ALLC: variants seen among roughly 807,000 people sequenced by gnomAD.
The protein encoded by ALLC is probable inactive allantoicase.
ALLC carries 40 observed loss-of-function variants against 45.0 expected under a neutral mutation model. The observed-to-expected ratio is 0.89, with a 90% CI of 0.69 to 1.16. The LOEUF is 1.16. ALLC is among the 50% of genes most tolerant of loss of function. ALLC has a pLI of 0.00. For synonymous variants in ALLC, 176 were observed against 178.1 expected (o/e 0.99, Z 0.09); for missense variants, 488 against 493.1 (o/e 0.99, Z 0.10).
At chr2:3,658,748 G>A (rs1558532061) in intron 1 of ALLC, among the ~76,000 whole-genome samples, 1 of 151,850 alleles carries the variant, frequency 6.6e-6, no homozygotes, top group East Asian at 1.9e-4. Flanking sequence ...CGTGCCTGTG[G>A]TCCCAGCTAC....
At chr2:3,651,317 G>GTGGTGGTGGTGGTGGTGGTGGTGGT in the ALLC span, among the ~76,000 whole-genome samples, 1 of 23,350 alleles carries the variant, frequency 4.3e-5, no homozygotes, top group African/African-American at 3.4e-4. Flanking sequence ...GGTGGGTGGG[G>GTGGTGGTGGTGGTGGTGGTGGTGGT]GGGGTGTGTG....
At chr2:3,664,834 T>C (rs571554804) in intron 1 of ALLC, among the ~76,000 whole-genome samples, 2 of 151,438 alleles carry the variant, frequency 1.3e-5, no homozygotes, top group African/African-American at 4.9e-5. Context: ...CAGTGAGCTA[T>C]GATCGTGCCA....
chr2:3,672,149 G>GGGAGGTCCTCTGGCTCTGGTTAGATT (rs1666895199), intron 2 of ALLC, among the ~76,000 whole-genome samples: 1 of 112,902 alleles, frequency 8.9e-6, no homozygotes, highest in Non-Finnish European at 1.9e-5. Context: ...CTGGTTAGAT[G>GGGAGGTCCTCTGGCTCTGGTTAGATT]GGAGGTCCTC....
At chr2:3,663,099 A>T (rs1432962736) in intron 1 of ALLC, among the ~76,000 whole-genome samples, 1 of 152,232 alleles carries the variant, frequency 6.6e-6, no homozygotes, top group Non-Finnish European at 1.5e-5. Flanking sequence ...AATGTAAATC[A>T]TTCTGTTACA....
chr2:3,701,364 C>A, intron 10 of ALLC, 148 bp from the exon 11 acceptor site: 1 of 925,978 alleles, frequency 1.1e-6, no homozygotes, highest in South Asian at 2.5e-5. Context: ...TTCCTTCCCT[C>A]ACATACTTCA....
chr2:3,650,465 G>A, the ALLC span, among the ~76,000 whole-genome samples: 1 of 152,184 alleles, frequency 6.6e-6, no homozygotes, highest in Non-Finnish European at 1.5e-5. Context: ...AGCGCACCAC[G>A]GTGACTGTCA....
chr2:3,649,762 A>G, the ALLC span, among the ~76,000 whole-genome samples: 2 of 152,364 alleles, frequency 1.3e-5, no homozygotes, highest in South Asian at 2.1e-4. Flanking sequence ...GGGACCGGGC[A>G]GACACACCAG....
upstream of ALLC, among the ~76,000 whole-genome samples, chr2:3,654,460 G>A (rs1032766735): frequency 7.9e-5 from 12 of 152,378 alleles, no homozygotes; most frequent in East Asian, 1.9e-3. Context: ...CAACGTATGA[G>A]TGCCAGGAGG....
chr2:3,676,878 C>G (rs1293031540), intron 3 of ALLC, among the ~76,000 whole-genome samples: 2 of 151,984 alleles, frequency 1.3e-5, no homozygotes, highest in Non-Finnish European at 2.9e-5. Flanking sequence ...ACCTCCACCT[C>G]CTGGGTTCAA....
At chr2:3,652,650 C>T in the ALLC span, among the ~76,000 whole-genome samples, 3 of 129,350 alleles carry the variant, frequency 2.3e-5, no homozygotes, top group South Asian at 2.5e-4. Context: ...AATGCAGTGG[C>T]GTGATCTCGG....
At chr2:3,677,840 A>G (rs1459508085) in intron 3 of ALLC, among the ~76,000 whole-genome samples, 1 of 152,232 alleles carries the variant, frequency 6.6e-6, no homozygotes, top group Admixed American at 6.5e-5. Context: ...ATGCTGGGCC[A>G]GCATAACGAT....
At chr2:3,672,410 T>G (rs1246642545) in intron 2 of ALLC, among the ~76,000 whole-genome samples, 5 of 105,322 alleles carry the variant, frequency 4.7e-5, no homozygotes, top group East Asian at 2.7e-4. Context: ...TAGTTAGACC[T>G]GTGGTCCTCT....
intron 2 of ALLC, among the ~76,000 whole-genome samples, chr2:3,673,187 T>G (rs528618189): frequency 5.9e-5 from 9 of 152,332 alleles, no homozygotes; most frequent in African/African-American, 2.2e-4. Context: ...GGAGCCCACA[T>G]GCTCCAGGTG....
At chr2:3,682,583 G>A (rs572881182) in intron 6 of ALLC, among the ~76,000 whole-genome samples, 36 of 151,996 alleles carry the variant, frequency 2.4e-4, no homozygotes, top group African/African-American at 8.7e-4. Flanking sequence ...TGGAGTGCAG[G>A]GGCGCGATCT....
At chr2:3,652,494 A>G in the ALLC span, among the ~76,000 whole-genome samples, 1 of 152,166 alleles carries the variant, frequency 6.6e-6, no homozygotes, top group East Asian at 1.9e-4. Flanking sequence ...GGTGGGAAGA[A>G]AATGTGTTTC....
chr2:3,646,810 T>C, the ALLC span, among the ~76,000 whole-genome samples: 1 of 152,210 alleles, frequency 6.6e-6, no homozygotes, highest in Non-Finnish European at 1.5e-5. Context: ...TGAATATTTC[T>C]CCGTTTCTGA....
upstream of ALLC, among the ~76,000 whole-genome samples, chr2:3,655,707 G>GTCTCAGCC (rs1273602335): frequency 6.6e-6 from 1 of 152,190 alleles, no homozygotes; most frequent in Non-Finnish European, 1.5e-5. Flanking sequence ...GGATCCTCCC[G>GTCTCAGCC]TCTCAGCCTC....
At position 3,682,583 on chromosome 2, in the gene ALLC, G is replaced by T. The variant is rs572881182; in HGVS notation, c.379-359G>T. Among the ~76,000 whole-genome samples the T allele has an allele frequency of 1.8e-3, 271 of 152,112 alleles. 3 individuals are homozygous for T. In the South Asian group the frequency reaches 0.025, roughly 14 times the overall value. On this transcript the variant is annotated intron_variant, in intron 6 of 11. Coordinates refer to ENST00000252505, the MANE Select transcript of ALLC (RefSeq NM_018436.4). The stretch of plus-strand genomic sequence containing the variant: ...CTCTGTGGCCCAGGCTGGAGTGCAG[G>T]GGCGCGATCTCGGCTCACTGCAAGC...
chr2:3,674,745 G>A (rs1193929342), intron 3 of ALLC, among the ~76,000 whole-genome samples: 1 of 152,190 alleles, frequency 6.6e-6, no homozygotes, highest in African/African-American at 2.4e-5. Flanking sequence ...GCAAGCTGAA[G>A]TATGGCCCTG....
Sources: allele counts gnomAD v4.1 joint callset (sites outside exome capture counted in the v4.1 genomes callset), GRCh38; gene constraint gnomAD v4.1.1; transcripts MANE v1.5; gene names NCBI Gene and HGNC (gene_info 2026-07-23, HGNC 2026-07-21).